SAP30: variants seen among roughly 807,000 people sequenced by gnomAD.
SAP30 encodes the protein histone deacetylase complex subunit SAP30.
SAP30 carries 13 observed loss-of-function variants against 19.6 expected under a neutral mutation model. The observed-to-expected ratio is 0.66, with a 90% CI of 0.43 to 1.05. The LOEUF (loss-of-function observed/expected upper bound fraction) is 1.05, where lower values mean the gene tolerates loss of function less well. SAP30 is among the 50% of genes least tolerant of loss of function. SAP30 has a pLI of 0.00. For missense variants in SAP30, 257 were observed against 292.1 expected (o/e 0.88, Z 0.88); for synonymous variants, 108 against 122.7 (o/e 0.88, Z 0.79).
chr4:173,377,232 C>T lies in SAP30; in HGVS notation c.568C>T (p.Pro190Ser). ...AGTTGGTTGCCACTTTAGGTCTATT[C>T]CAGTGAATGAAAAAGACACCTTAAC... Reference protein sequence around the residue: ...EIVGCHFRSIPVNEKDTLTYF... With the variant: ...EIVGCHFRSISVNEKDTLTYF... Residue 190 changes from proline to serine, a missense_variant, in exon 4 of 4, where the codon CCA becomes TCA. Physicochemically the swap from Pro to Ser is moderately conservative, Grantham distance 74. Transcript: ENST00000296504. The T allele has an allele frequency of 6.2e-7, 1 of 1,604,124 alleles. No homozygotes were observed.
Position 173,377,258 on chromosome 4 carries a change from A to G in SAP30, c.594A>G (p.Thr198=), listed in dbSNP as rs1247397128. The G allele has an allele frequency of 3.7e-6, 6 of 1,609,280 alleles. No homozygotes were observed. The East Asian group carries it at 1.1e-4, about 30-fold the overall frequency. ...CAGTGAATGAAAAAGACACCTTAACATATTTCATCTACTCAGTGAAGAATG... is the reference window on the plus strand; with the variant it reads ...CAGTGAATGAAAAAGACACCTTAACGTATTTCATCTACTCAGTGAAGAATG... The part of the protein sequence containing the change: ...SIPVNEKDTL[T]YFIYSVKNDK... The change falls in exon 4 of 4, where the codon ACA becomes ACG. Residue 198 remains threonine (T), a synonymous_variant. Transcript: ENST00000296504.
chr4:173,376,952 A>G (rs1739052540), intron 3 of SAP30, among the ~76,000 whole-genome samples: 1 of 152,146 alleles, frequency 6.6e-6, no homozygotes, highest in Non-Finnish European at 1.5e-5. Flanking sequence ...AATAAAAGGA[A>G]AATATATTTT....
At chr4:173,372,181 C>A (rs1260665098) in intron 1 of SAP30, among the ~76,000 whole-genome samples, 1 of 152,246 alleles carries the variant, frequency 6.6e-6, no homozygotes, top group Non-Finnish European at 1.5e-5. Flanking sequence ...GTTTGACCAT[C>A]TATGAGGTTT....
chr4:173,375,882 C>G (rs1037454732), intron 3 of SAP30, among the ~76,000 whole-genome samples: 4 of 152,210 alleles, frequency 2.6e-5, no homozygotes, highest in Admixed American at 1.3e-4. Flanking sequence ...TCAGATCAGC[C>G]ACAGAATTAG....
rs369256641 is a variant in SAP30 at position 173,371,975 on chromosome 4, CT to C, written c.315+482del. On this transcript the variant is annotated intron_variant, in intron 1 of 3. Transcript: ENST00000296504. The surrounding 1 kb of genome is among the most constrained non-coding windows in gnomAD (Gnocchi z 6.4). ...CTTCACGAACAAGGAAGATCCTGTT[CT>C]TTTCTGTGTTCCGTCTCCTCCGGAG... Among the ~76,000 whole-genome samples, 646 of 152,330 alleles carry C rather than the reference CT, an allele frequency of 4.2e-3. 10 individuals carry two copies. The highest frequency in any genetic ancestry group is 0.015 in the African/African-American group (625 of 41,564).
rs62342342 is a variant in SAP30 at position 173,372,787 on chromosome 4, T to C, written c.316-603T>C. On this transcript the variant is annotated intron_variant, in intron 1 of 3. Transcript: ENST00000296504. The stretch of plus-strand genomic sequence containing the variant: ...TCAGGTCATCCTTACTGCTATCTGT[T>C]TGTTTATTTATTTAAGACAAAGTCT... 7.8e-3 allele frequency among the ~76,000 whole-genome samples: 880 copies of C among 112,296 alleles called. 7 individuals carry two copies. Among genetic ancestry groups the C allele is most frequent in the African/African-American group, 0.026 (841 of 31,854 alleles). 73.7% of individuals were successfully genotyped at this position (112,296 alleles called of 152,430 possible).
chr4:173,377,413 C>A lies in SAP30; in HGVS notation c.*86C>A. The A allele has an allele frequency of 7.6e-7, 1 of 1,323,214 alleles. No individual in the cohort carries two copies. Among genetic ancestry groups the A allele is most frequent in the Non-Finnish European group, 1.0e-6 (1 of 968,382 alleles). 82.0% of individuals were successfully genotyped at this position (1,323,214 alleles called of 1,614,324 possible). ...TAGAAATGTTCTTTGTGTATTTTTT[C>A]TACAGAGGATTTTCTCTGATTTTAT... On this transcript the variant is annotated 3_prime_UTR_variant, in exon 4 of 4. Coordinates refer to ENST00000296504, the MANE Select transcript of SAP30 (RefSeq NM_003864.4).
chr4:173,374,034 T>C lies in SAP30; in HGVS notation c.537T>C (p.Val179=), dbSNP rs780097380. The stretch of plus-strand genomic sequence containing the variant: ...CAGGACTTAATAAAGCACAACTTGT[T>C]GAGGTATATATGAGTTTTAAACTAT... ...TRPGLNKAQL[V]EIVGCHFRSI... The change falls in exon 3 of 4, where the codon GTT becomes GTC. Residue 179 remains valine, a synonymous_variant. Transcript: ENST00000296504. 2 of 1,564,932 alleles carry C rather than the reference T, an allele frequency of 1.3e-6. No homozygotes were observed. Among genetic ancestry groups the C allele is most frequent in the African/African-American group, 2.7e-5 (2 of 73,100 alleles).
At position 173,374,038 on chromosome 4, in the gene SAP30, GTA is replaced by G. The variant is rs748016836; in HGVS notation, c.540+7_540+8del. On this transcript the variant is annotated splice_donor_variant and splice_donor_region_variant and intron_variant, in intron 3 of 3. Coordinates refer to ENST00000296504, the MANE Select transcript of SAP30 (RefSeq NM_003864.4). LOFTEE classifies it high-confidence loss of function. ...ACTTAATAAAGCACAACTTGTTGAG[GTA>G]TATATGAGTTTTAAACTATTTGAAC... The G allele has an allele frequency of 6.5e-7, 1 of 1,542,354 alleles. No homozygotes were observed. The highest frequency in any genetic ancestry group is 8.9e-7 in the Non-Finnish European group (1 of 1,128,914).
At position 173,371,465 on chromosome 4, in the gene SAP30, C is replaced by G. The variant is rs1560822494; in HGVS notation, c.283C>G (p.Gln95Glu). Reference sequence around the variant, plus strand: ...CAAGAGGATCCAGAAGAGCATCTCCCAGAAGAAGGTGAAGATCGAGCTGGA... The same window carrying G: ...CAAGAGGATCCAGAAGAGCATCTCCGAGAAGAAGGTGAAGATCGAGCTGGA... The part of the protein sequence containing the change: ...FSKRIQKSIS[Q>E]KKVKIELDKS... The change falls in exon 1 of 4, where the codon CAG becomes GAG. Residue 95 changes from glutamine (Q) to glutamate (E), a missense_variant. By Grantham distance (29) the Gln-to-Glu change is conservative. Transcript: ENST00000296504. The surrounding 1 kb of genome is among the most constrained non-coding windows in gnomAD (Gnocchi z 6.4). The G allele has an allele frequency of 6.3e-7, 1 of 1,590,872 alleles. No homozygotes were observed. The highest frequency in any genetic ancestry group is 2.3e-5 in the East Asian group (1 of 44,188).
chr4:173,377,511 T>A lies in SAP30; in HGVS notation c.*184T>A. Reference sequence around the variant, plus strand: ...GAGCTTTCCTAAATTAAATCTATTTTAAATAAAGGTTATTACTATTATAGT... The same window carrying A: ...GAGCTTTCCTAAATTAAATCTATTTAAAATAAAGGTTATTACTATTATAGT... On this transcript the variant is annotated 3_prime_UTR_variant, in exon 4 of 4. Coordinates refer to ENST00000296504, the MANE Select transcript of SAP30 (RefSeq NM_003864.4). The A allele has an allele frequency of 2.0e-6, 1 of 499,856 alleles. No homozygotes were observed. The highest frequency in any genetic ancestry group is 3.3e-6 in the Non-Finnish European group (1 of 299,146). The allele number at this position is 499,856 out of a possible 1,614,324, so 31.0% of individuals were successfully genotyped here. A position where few individuals can be genotyped will look rare whatever the true frequency, so the allele number is the denominator to read the frequency against.
chr4:173,377,267 C>G lies in SAP30; in HGVS notation c.603C>G (p.Ile201Met), dbSNP rs1319857025. 6.2e-7 allele frequency: 1 copy of G among 1,608,844 alleles called. No individual in the cohort carries two copies. Among genetic ancestry groups the G allele is most frequent in the Non-Finnish European group, 8.5e-7 (1 of 1,177,520 alleles). Reference sequence around the variant, plus strand: ...AAAAAGACACCTTAACATATTTCATCTACTCAGTGAAGAATGACAAGAACA... The same window carrying G: ...AAAAAGACACCTTAACATATTTCATGTACTCAGTGAAGAATGACAAGAACA... ...VNEKDTLTYF[I>M]YSVKNDKNKS... Residue 201 changes from isoleucine (I) to methionine (M), a missense_variant, in exon 4 of 4, where the codon ATC becomes ATG. Ile to Met is a conservative substitution (Grantham distance 10, BLOSUM62 1). Transcript: ENST00000296504.
At chr4:173,376,985 A>T (rs1739055790) in intron 3 of SAP30, among the ~76,000 whole-genome samples, 1 of 152,098 alleles carries the variant, frequency 6.6e-6, no homozygotes, top group African/African-American at 2.4e-5. Context: ...TATTAAATTG[A>T]GTGGGTCAAA....
In SAP30 at chr4:173,371,554, C is replaced by T. The variant is rs570953979; in HGVS notation, c.315+57C>T. The T allele has an allele frequency of 4.0e-4, 612 of 1,546,412 alleles. 6 individuals carry two copies. In the African/African-American group the frequency reaches 7.9e-3, roughly 20 times the overall value. On this transcript the variant is annotated intron_variant, in intron 1 of 3. Transcript: ENST00000296504. The surrounding 1 kb of genome is among the most constrained non-coding windows in gnomAD (Gnocchi z 6.4). ...CGCCCCTCGGTGGGGCCCCAGGAGC[C>T]GGGCAAAGGCACGGGTTGTCGGCGG...
rs1467045348 is a variant in SAP30, at chr4:173,373,499, A to G, written c.425A>G (p.Asp142Gly). 2 of 1,608,004 alleles carry G rather than the reference A, an allele frequency of 1.2e-6. No homozygotes were observed. Among genetic ancestry groups the G allele is most frequent in the African/African-American group, 1.3e-5 (1 of 74,628 alleles). ...DDDGGDSPVQ[D>G]IDTPEVDLYQ... is the part of the protein sequence containing the mutation. ...GATGGAGGTGATTCACCTGTTCAAG[A>G]TATTGATACCCCAGAGGTAGATGGA... The change falls in exon 2 of 4, where the codon GAT (aspartate) becomes GGT (glycine). Residue 142 changes from aspartate (D) to glycine (G), a missense_variant. Transcript: ENST00000296504.
chr4:173,373,792 T>A (rs1738992096), intron 2 of SAP30, 147 bp from the exon 3 acceptor site: 1 of 480,340 alleles, frequency 2.1e-6, no homozygotes, highest in African/African-American at 2.1e-5. Context: ...TAATAATTTA[T>A]GTTGGATTAT....
chr4:173,374,955 G>A (rs1400154767), intron 3 of SAP30, among the ~76,000 whole-genome samples: 3 of 151,272 alleles, frequency 2.0e-5, no homozygotes, highest in Non-Finnish European at 2.9e-5. Context: ...AAAAGTTAAC[G>A]GAGCATGCAT....
At position 173,371,038 on chromosome 4, in the gene SAP30, C is replaced by G. The variant is rs529960229; in HGVS notation, c.-145C>G. On this transcript the variant is annotated 5_prime_UTR_variant, in exon 1 of 4. Coordinates refer to ENST00000296504, the MANE Select transcript of SAP30 (RefSeq NM_003864.4). This position sits in a 1 kb window ranked among gnomAD's most constrained non-coding sequence, Gnocchi z 6.4. Reference sequence around the variant, plus strand: ...TCCACTGTTTCGGTGCCAGCAGAGACCAGCAGGCCCGGGACAGTTGGTGTT... The same window carrying G: ...TCCACTGTTTCGGTGCCAGCAGAGAGCAGCAGGCCCGGGACAGTTGGTGTT... 1.7e-5 allele frequency: 16 copies of G among 931,624 alleles called. No homozygotes were observed. Among genetic ancestry groups the G allele is most frequent in the African/African-American group, 5.4e-5 (3 of 55,744 alleles). 57.7% of individuals were successfully genotyped at this position (931,624 alleles called of 1,614,324 possible). A position where few individuals can be genotyped will look rare whatever the true frequency, so the allele number is the denominator to read the frequency against.
rs754096920 is a variant in SAP30, at chr4:173,371,371, C to A, written c.189C>A (p.Pro63=). The A allele has an allele frequency of 6.5e-6, 10 of 1,534,878 alleles. No individual in the cohort carries two copies. The highest frequency in any genetic ancestry group is 1.8e-4 in the Middle Eastern group (1 of 5,652). ...CCCCGGGGGCGGCCGGGCCGGGCCC[C>A]GGGCAACTGTGCTGCCTGCGGGAGG... ...AGPPGAAGPG[P]GQLCCLREDG... The change falls in exon 1 of 4, where the codon CCC becomes CCA. Residue 63 remains proline, a synonymous_variant. Transcript: ENST00000296504. The surrounding 1 kb of genome is among the most constrained non-coding windows in gnomAD (Gnocchi z 6.4).
Sources: gnomAD v4.1 joint callset for allele counts (sites outside exome capture counted in the v4.1 genomes callset) on GRCh38, gnomAD v4.1.1 for gene constraint, Gnocchi (gnomAD v3.1) non-coding constraint, MANE v1.5 for transcripts, NCBI Gene and HGNC (gene_info 2026-07-23, HGNC 2026-07-21) for gene names.